HS6ST3: variants seen among roughly 807,000 people sequenced by gnomAD.
The protein encoded by HS6ST3 is heparan-sulfate 6-O-sulfotransferase 3.
Under a neutral mutation model 36.7 loss-of-function variants are expected in HS6ST3, and 12 were observed. The observed-to-expected ratio is 0.33, with a 90% CI of 0.21 to 0.53. HS6ST3 has a LOEUF of 0.53. Ranked by LOEUF, HS6ST3 falls within the 20% of genes least tolerant of loss-of-function variation. HS6ST3 has a pLI of 0.95. For missense variants in HS6ST3, 584 were observed against 640.9 expected (o/e 0.91, Z 0.96); for synonymous variants, 240 against 257.5 (o/e 0.93, Z 0.65).
At chr13:96,670,881 C>A (rs1239301643) in intron 1 of HS6ST3, among the ~76,000 whole-genome samples, 10 of 152,096 alleles carry the variant, frequency 6.6e-5, no homozygotes, top group African/African-American at 2.4e-4. Flanking sequence ...TTCTGCTGGG[C>A]AGACACAGCT....
chr13:96,093,501 C>T (rs533505707), intron 1 of HS6ST3, among the ~76,000 whole-genome samples: 7 of 152,124 alleles, frequency 4.6e-5, no homozygotes, highest in African/African-American at 1.7e-4. Context: ...AGTAATGGAG[C>T]ATAAACATTC....
In HS6ST3 at chr13:96,194,436, AT is replaced by A. The variant is rs377606236; in HGVS notation, c.707+102876del. Among the ~76,000 whole-genome samples, 989 of 151,278 alleles carry A rather than the reference AT, an allele frequency of 6.5e-3. 13 individuals are homozygous for A. Among genetic ancestry groups the A allele is most frequent in the African/African-American group, 0.021 (881 of 41,234 alleles). Reference sequence around the variant, plus strand: ...ACTTATCTTGGTACCCAGAAAATTCATTTTTTTTTAATTAAAAAAATTATTT... The same window carrying A: ...ACTTATCTTGGTACCCAGAAAATTCATTTTTTTTAATTAAAAAAATTATTT... On this transcript the variant is annotated intron_variant, in intron 1 of 1. Transcript: ENST00000376705.
intron 1 of HS6ST3, among the ~76,000 whole-genome samples, chr13:96,547,129 G>A (rs946501486): frequency 2.6e-5 from 4 of 152,168 alleles, no homozygotes; most frequent in Non-Finnish European, 4.4e-5. Context: ...AAGCTAATAC[G>A]TGCTATTGGA....
At chr13:96,352,897 T>G (rs1294600740) in intron 1 of HS6ST3, among the ~76,000 whole-genome samples, 1 of 152,116 alleles carries the variant, frequency 6.6e-6, no homozygotes, top group African/African-American at 2.4e-5. Flanking sequence ...CAGGTGGGAA[T>G]TGGGGACACA....
At chr13:96,247,365 C>A (rs569966839) in intron 1 of HS6ST3, among the ~76,000 whole-genome samples, 2 of 152,182 alleles carry the variant, frequency 1.3e-5, no homozygotes, top group East Asian at 3.9e-4. Flanking sequence ...AAGGGAGGGA[C>A]CTTGTGGGAG....
At chr13:96,333,037 G>C (rs546687918) in intron 1 of HS6ST3, among the ~76,000 whole-genome samples, 75 of 152,330 alleles carry the variant, frequency 4.9e-4, no homozygotes, top group African/African-American at 1.7e-3. Flanking sequence ...CCTTGCTCTT[G>C]GACTTCTCAG....
chr13:96,145,485 G>C (rs938543233), intron 1 of HS6ST3, among the ~76,000 whole-genome samples: 16 of 152,196 alleles, frequency 1.1e-4, no homozygotes, highest in Admixed American at 3.9e-4. Context: ...CCTTCGCCCA[G>C]TTTTTGATGG....
intron 1 of HS6ST3, among the ~76,000 whole-genome samples, chr13:96,652,177 T>C (rs1174097744): frequency 1.3e-5 from 2 of 152,082 alleles, no homozygotes; most frequent in Non-Finnish European, 2.9e-5. Context: ...ATATCACACA[T>C]ATATATAATA....
rs151196210 is a variant in HS6ST3, at chr13:96,233,609, C to T, written c.707+142040C>T. On this transcript the variant is annotated intron_variant, in intron 1 of 1. Transcript: ENST00000376705. ...AGATAAAGCCAGTTATGAGGAAGAC[C>T]GAAAACACAGAAGGAAATTGGGAGA... is the stretch of plus-strand genomic sequence containing the variant. Among the ~76,000 whole-genome samples the T allele has an allele frequency of 2.6e-4, 40 of 151,886 alleles. 1 individual carries two copies. In the East Asian group the frequency reaches 7.7e-3, roughly 29 times the overall value.
chr13:96,796,521 G>A (rs1320611412), intron 1 of HS6ST3, among the ~76,000 whole-genome samples: 1 of 152,104 alleles, frequency 6.6e-6, no homozygotes, highest in Non-Finnish European at 1.5e-5. Context: ...TTTTTGGAAT[G>A]TCTGTGATGA....
At chr13:96,689,907 G>A (rs1018048154) in intron 1 of HS6ST3, among the ~76,000 whole-genome samples, 2 of 152,164 alleles carry the variant, frequency 1.3e-5, no homozygotes, top group Admixed American at 6.6e-5. Context: ...ATGATAGACT[G>A]AAGATTCACA....
intron 1 of HS6ST3, among the ~76,000 whole-genome samples, chr13:96,220,679 GC>G: frequency 6.6e-6 from 1 of 152,054 alleles, no homozygotes; most frequent in South Asian, 2.1e-4. Flanking sequence ...ATTTTATCTG[GC>G]CCAGGGCTTC....
At chr13:96,100,645 A>G (rs749253245) in intron 1 of HS6ST3, among the ~76,000 whole-genome samples, 3 of 152,176 alleles carry the variant, frequency 2.0e-5, no homozygotes, top group Non-Finnish European at 4.4e-5. Flanking sequence ...AGCAGAGGCC[A>G]AGAGAAAGGA....
At chr13:96,191,957 A>G (rs2054290455) in intron 1 of HS6ST3, among the ~76,000 whole-genome samples, 1 of 152,184 alleles carries the variant, frequency 6.6e-6, no homozygotes, top group Non-Finnish European at 1.5e-5. Context: ...CGAGTCAGAG[A>G]GCATAGGCAG....
At position 96,836,830 on chromosome 13, in the gene HS6ST3, A is replaced by G. The variant is rs1485327925; in HGVS notation, c.*3632A>G. ...CTATTTCTCTCTTACTTAAAGGCAA[A>G]CTGGTTTTACAGCTCTGGTGTGTGA... On this transcript the variant is annotated 3_prime_UTR_variant, in exon 2 of 2. Coordinates refer to ENST00000376705, the MANE Select transcript of HS6ST3 (RefSeq NM_153456.4). The G allele has an allele frequency of 1.3e-5, 2 of 152,232 alleles. No homozygotes were observed. Among genetic ancestry groups the G allele is most frequent in the Non-Finnish European group, 2.9e-5 (2 of 68,044 alleles). The allele number at this position is 152,232 out of a possible 1,614,324, so 9.4% of individuals were successfully genotyped here.
chr13:96,719,990 G>C (rs942731121), intron 1 of HS6ST3, among the ~76,000 whole-genome samples: 2 of 152,062 alleles, frequency 1.3e-5, no homozygotes, highest in Non-Finnish European at 2.9e-5. Context: ...CACAGACAAG[G>C]GGCTAACAAA....
chr13:96,489,622 C>T (rs1431049659), intron 1 of HS6ST3, among the ~76,000 whole-genome samples: 1 of 151,784 alleles, frequency 6.6e-6, no homozygotes, highest in East Asian at 1.9e-4. Context: ...CTCTTTCTTT[C>T]TTTAGGCGAG....
At chr13:96,151,687 C>G (rs1338438956) in intron 1 of HS6ST3, among the ~76,000 whole-genome samples, 1 of 152,170 alleles carries the variant, frequency 6.6e-6, no homozygotes, top group Non-Finnish European at 1.5e-5. Context: ...ACCAAGGTGT[C>G]GGCAGGGCCA....
intron 1 of HS6ST3, among the ~76,000 whole-genome samples, chr13:96,812,514 G>A (rs1028085420): frequency 4.6e-5 from 7 of 152,094 alleles, no homozygotes; most frequent in Admixed American, 3.9e-4. Context: ...CTCCTGAAAA[G>A]AGCTCTAAAG....
Sources: gnomAD v4.1 joint callset for allele counts (sites outside exome capture counted in the v4.1 genomes callset) on GRCh38, gnomAD v4.1.1 for gene constraint, MANE v1.5 for transcripts, NCBI Gene and HGNC (gene_info 2026-07-23, HGNC 2026-07-21) for gene names.